Variants in ERC2 observed in about 807,000 individuals in gnomAD.
ERC2 encodes ERC protein 2.
In ERC2, 42 loss-of-function variants were observed where a neutral mutation model predicts 114.8. The observed-to-expected ratio is 0.37, with a 90% CI of 0.29 to 0.47. The LOEUF (loss-of-function observed/expected upper bound fraction) is 0.47, where lower values mean the gene tolerates loss of function less well. Ranked by LOEUF, ERC2 falls within the 20% of genes least tolerant of loss-of-function variation. The pLI is 0.99. For synonymous variants in ERC2, 454 were observed against 425.5 expected (o/e 1.07, Z -0.82); for missense variants, 939 against 1,150.7 (o/e 0.82, Z 2.66).
intron 14 of ERC2, among the ~76,000 whole-genome samples, chr3:55,862,341 T>G (rs543707399): frequency 3.9e-5 from 6 of 152,290 alleles, no homozygotes; most frequent in Admixed American, 2.0e-4. Flanking sequence ...CAAAGGTCCT[T>G]GGAAGGGGGT....
intron 1 of ERC2, among the ~76,000 whole-genome samples, chr3:56,453,686 CAACT>C (rs2062926726): frequency 6.6e-6 from 1 of 152,124 alleles, no homozygotes; most frequent in African/African-American, 2.4e-5. Flanking sequence ...TGCATACAAC[CAACT>C]ATTTTAATTG....
intron 3 of ERC2, among the ~76,000 whole-genome samples, chr3:56,205,053 A>G (rs918555538): frequency 1.3e-5 from 2 of 152,072 alleles, no homozygotes; most frequent in Non-Finnish European, 2.9e-5. Context: ...TTAACACTCC[A>G]TAAAACTCTG....
chr3:55,517,484 A>G (rs1265218127), intron 17 of ERC2, among the ~76,000 whole-genome samples: 6 of 151,950 alleles, frequency 3.9e-5, no homozygotes, highest in African/African-American at 2.4e-5. Context: ...TCAAAAACCT[A>G]AATGTTTCCT....
intron 17 of ERC2, among the ~76,000 whole-genome samples, chr3:55,619,551 A>T (rs565823792): frequency 9.2e-5 from 14 of 152,322 alleles, no homozygotes; most frequent in Admixed American, 6.5e-4. Flanking sequence ...GTTTAAGGGT[A>T]TGAAAGTGCA....
intron 9 of ERC2, 123 bp downstream of exon 9, chr3:56,010,326 A>G: frequency 8.4e-7 from 1 of 1,192,610 alleles, no homozygotes; most frequent in Non-Finnish European, 1.2e-6. Flanking sequence ...TACAAAAGAA[A>G]GGTTACTACA....
chr3:56,168,203 T>C (rs2082424017), intron 4 of ERC2, among the ~76,000 whole-genome samples: 4 of 152,158 alleles, frequency 2.6e-5, no homozygotes, highest in Non-Finnish European at 1.5e-5. Context: ...CATCTGTGAA[T>C]TGGGGATAAC....
chr3:56,103,662 C>A (rs1243170692), intron 6 of ERC2, among the ~76,000 whole-genome samples: 1 of 151,994 alleles, frequency 6.6e-6, no homozygotes, highest in African/African-American at 2.4e-5. Context: ...GAAGTCTCCA[C>A]AACAAAGAAT....
chr3:56,363,652 G>T (rs1157214835), intron 2 of ERC2, among the ~76,000 whole-genome samples: 1 of 152,110 alleles, frequency 6.6e-6, no homozygotes, highest in Non-Finnish European at 1.5e-5. Context: ...AAATAGAAAA[G>T]TATTTAATCT....
At chr3:55,858,298 T>G (rs1023715229) in intron 14 of ERC2, among the ~76,000 whole-genome samples, 2 of 152,236 alleles carry the variant, frequency 1.3e-5, no homozygotes, top group African/African-American at 2.4e-5. Flanking sequence ...TAACCCTGTT[T>G]ATATATTACA....
At chr3:55,777,466 C>A (rs1309272989) in intron 14 of ERC2, among the ~76,000 whole-genome samples, 2 of 152,220 alleles carry the variant, frequency 1.3e-5, no homozygotes, top group Non-Finnish European at 2.9e-5. Context: ...CATACAGGCA[C>A]CCCTGTGGGC....
At chr3:56,429,864 G>C (rs1168172331) in intron 2 of ERC2, among the ~76,000 whole-genome samples, 3 of 152,214 alleles carry the variant, frequency 2.0e-5, no homozygotes, top group Non-Finnish European at 2.9e-5. Flanking sequence ...GTAACACAGA[G>C]AGGGAGTTCA....
chr3:55,815,281 C>A (rs138540812), intron 14 of ERC2, among the ~76,000 whole-genome samples: 1 of 152,262 alleles, frequency 6.6e-6, no homozygotes, highest in Non-Finnish European at 1.5e-5. Flanking sequence ...TACTGTTACA[C>A]CCATTAATAT....
intron 17 of ERC2, among the ~76,000 whole-genome samples, chr3:55,619,133 T>G (rs1171272056): frequency 6.6e-6 from 1 of 152,320 alleles, no homozygotes; most frequent in Non-Finnish European, 1.5e-5. Context: ...TACCACTTAA[T>G]AAAACAGGAA....
intron 2 of ERC2, among the ~76,000 whole-genome samples, chr3:56,375,586 A>G (rs1436544708): frequency 1.3e-5 from 2 of 152,206 alleles, no homozygotes; most frequent in East Asian, 3.8e-4. Context: ...ATGGAAGGCA[A>G]TCCAATAGTA....
intron 13 of ERC2, among the ~76,000 whole-genome samples, chr3:55,934,518 T>A (rs2066317567): frequency 6.6e-6 from 1 of 152,062 alleles, no homozygotes. Context: ...ATAGCAAGAG[T>A]AAGCAATCTC....
chr3:56,234,674 A>G (rs1169620292), intron 3 of ERC2, among the ~76,000 whole-genome samples: 1 of 152,214 alleles, frequency 6.6e-6, no homozygotes, highest in Non-Finnish European at 1.5e-5. Context: ...TGGAAAGTCC[A>G]AGATTGAGGG....
chr3:55,745,287 T>C (rs1476318785), intron 14 of ERC2, among the ~76,000 whole-genome samples: 1 of 152,144 alleles, frequency 6.6e-6, no homozygotes, highest in East Asian at 1.9e-4. Flanking sequence ...ACGTGGGAAA[T>C]AGGCAAGACA....
intron 3 of ERC2, among the ~76,000 whole-genome samples, chr3:56,289,464 G>A (rs2054938517): frequency 6.6e-6 from 1 of 152,110 alleles, no homozygotes; most frequent in South Asian, 2.1e-4. Context: ...GCCTTCAAAG[G>A]CTCCCCAGAG....
intron 3 of ERC2, among the ~76,000 whole-genome samples, chr3:56,262,528 T>G (rs1234703712): frequency 6.6e-6 from 1 of 152,204 alleles, no homozygotes; most frequent in Non-Finnish European, 1.5e-5. Flanking sequence ...TAAAAGACAG[T>G]AGTGTAAAGG....
Sources: gnomAD v4.1 joint callset for allele counts (sites outside exome capture counted in the v4.1 genomes callset) on GRCh38, gnomAD v4.1.1 for gene constraint, MANE v1.5 for transcripts, NCBI Gene and HGNC (gene_info 2026-07-23, HGNC 2026-07-21) for gene names.